Variants in SETX observed in about 807,000 individuals in gnomAD.
SETX encodes the protein helicase senataxin.
A neutral mutation model predicts 227.2 loss-of-function variants in SETX; 90 were observed. That is an observed-to-expected ratio of 0.40 (90% CI 0.33 to 0.47). The LOEUF (loss-of-function observed/expected upper bound fraction) is 0.47. Among genes scored for constraint, SETX ranks in the 20% least tolerant of loss-of-function variants. SETX has a pLI of 0.91. For missense variants in SETX, 3,052 were observed against 3,181.5 expected (o/e 0.96, Z 0.98); for synonymous variants, 1,210 against 1,113.2 (o/e 1.09, Z -1.73).
At chr9:132,283,665 A>G (rs1843668121) in intron 18 of SETX, among the ~76,000 whole-genome samples, 1 of 152,188 alleles carries the variant, frequency 6.6e-6, no homozygotes, top group Non-Finnish European at 1.5e-5. Flanking sequence ...ATTTTTATCC[A>G]GGGTTTGATT....
intron 25 of SETX, among the ~76,000 whole-genome samples, chr9:132,269,172 C>T (rs1842781959): frequency 6.6e-6 from 1 of 152,254 alleles, no homozygotes; most frequent in Admixed American, 6.5e-5. Flanking sequence ...GCCGGAGGCG[C>T]TAAGTGCTGG....
intron 11 of SETX, among the ~76,000 whole-genome samples, chr9:132,304,058 T>C (rs1845183711): frequency 6.6e-6 from 1 of 152,080 alleles, no homozygotes; most frequent in African/African-American, 2.4e-5. Flanking sequence ...AGGCGGAGGT[T>C]GCAGCCACTG....
chr9:132,313,733 T>C (rs901813626), intron 10 of SETX, among the ~76,000 whole-genome samples: 3 of 151,972 alleles, frequency 2.0e-5, no homozygotes, highest in Non-Finnish European at 2.9e-5. Flanking sequence ...CATCAGAGCA[T>C]TATCAAAGTT....
chr9:132,349,530 A>C (rs1848496214), intron 2 of SETX, 95 bp from the exon 3 acceptor site: 2 of 1,312,036 alleles, frequency 1.5e-6, no homozygotes, highest in East Asian at 4.7e-5. Flanking sequence ...CCCTGGTTTC[A>C]ATTTAAAATG....
intron 12 of SETX, 122 bp from the exon 13 acceptor site, chr9:132,298,434 C>A (rs1311566729): frequency 2.3e-6 from 2 of 870,498 alleles, no homozygotes; most frequent in Non-Finnish European, 3.7e-6. Context: ...ATAATTTACC[C>A]AGTAAATATT....
intron 15 of SETX, among the ~76,000 whole-genome samples, chr9:132,291,839 T>C (rs1474375272): frequency 2.0e-5 from 3 of 151,812 alleles, no homozygotes; most frequent in South Asian, 4.2e-4. Context: ...TAAAAACATA[T>C]AAATTTCTAC....
At chr9:132,349,033 G>A (rs887747576) in intron 3 of SETX, among the ~76,000 whole-genome samples, 1 of 151,746 alleles carries the variant, frequency 6.6e-6, no homozygotes, top group Non-Finnish European at 1.5e-5. Flanking sequence ...ACTCGAATGT[G>A]TAAAATGATA....
intron 10 of SETX, among the ~76,000 whole-genome samples, chr9:132,318,592 T>C (rs1846139820): frequency 6.6e-6 from 1 of 152,182 alleles, no homozygotes; most frequent in African/African-American, 2.4e-5. Context: ...ACCCTGATAC[T>C]TACCTTTCTG....
chr9:132,353,863 G>A lies in SETX; in HGVS notation c.-114-108C>T, dbSNP rs117395901. The A allele has an allele frequency of 0.024, 3,697 of 152,302 alleles. 58 individuals carry two copies. Among genetic ancestry groups the A allele is most frequent in the Non-Finnish European group, 0.038 (2,584 of 68,036 alleles). 9.4% of individuals were successfully genotyped at this position (152,302 alleles called of 1,614,324 possible). A position where few individuals can be genotyped will look rare whatever the true frequency, so the allele number is the denominator to read the frequency against. ...CAGACAGATACTGCTGGCTGATGAG[G>A]AAGCCCAGATAGGTTAGACAACTTG... On this transcript the variant is annotated intron_variant, in intron 1 of 25. Coordinates refer to ENST00000224140, the MANE Select transcript of SETX (RefSeq NM_015046.7).
intron 2 of SETX, among the ~76,000 whole-genome samples, chr9:132,351,957 T>C (rs1487529018): frequency 6.6e-6 from 1 of 152,236 alleles, no homozygotes; most frequent in Non-Finnish European, 1.5e-5. Context: ...ATAGGATGCT[T>C]CACCATAGGT....
At chr9:132,291,549 A>G (rs1377935217) in intron 15 of SETX, among the ~76,000 whole-genome samples, 9 of 152,154 alleles carry the variant, frequency 5.9e-5, no homozygotes, top group Non-Finnish European at 1.0e-4. Context: ...GCACCCAGAA[A>G]TGTTCCGCAA....
In SETX at chr9:132,311,794, T is replaced by C. The variant is rs768249675; in HGVS notation, c.5337A>G (p.Lys1779=). The C allele has an allele frequency of 6.2e-7, 1 of 1,613,720 alleles. No individual in the cohort carries two copies. The highest frequency in any genetic ancestry group is 1.1e-5 in the South Asian group (1 of 91,070). ...RENFYQLQVR[K]FPADYIKYWE... ...AGTATTTTATATAATCGGCAGGAAA[T>C]TTTCGTACTTGCAACTGATAGAAAT... The change falls in exon 11 of 26, where the codon AAA becomes AAG. Residue 1779 remains lysine, a synonymous_variant. Transcript: ENST00000224140.
rs143930428 is a variant in SETX, at chr9:132,326,583, C to T, written c.5015G>A (p.Cys1672Tyr). ...QSPNNSNRQG[C>Y]KVPFGESKYF... ...TTTGCTTTCACCAAATGGAACTTTG[C>T]AACCTTGCCTGTTGGAATTATTCGG... Residue 1672 changes from cysteine (C) to tyrosine (Y), a missense_variant, in exon 10 of 26, where the codon TGC (cysteine) becomes TAC (tyrosine). Physicochemically the swap from Cys to Tyr is radical, Grantham distance 194. Around this residue, in one of 10 missense-constraint regions of SETX, gnomAD observed 1,483 missense variants for 1,312.0 expected, o/e 1.13. Transcript: ENST00000224140. 5 of 1,614,102 alleles carry T rather than the reference C, an allele frequency of 3.1e-6. No individual in the cohort carries two copies. In the African/African-American group the frequency reaches 6.7e-5, roughly 22 times the overall value.
At chr9:132,265,042 G>A in intron 25 of SETX, 57 bp from the exon 26 acceptor site, 1 of 1,592,356 alleles carries the variant, frequency 6.3e-7, no homozygotes. Context: ...TGCTTGGGAA[G>A]CATAGAGTTC....
At chr9:132,269,373 G>C in intron 25 of SETX, 1 of 1,455,364 alleles carries the variant, frequency 6.9e-7, no homozygotes, top group East Asian at 2.9e-5. Context: ...ATAATCCTAT[G>C]ATGTGGATAA....
chr9:132,294,930 A>G (rs900759384), intron 15 of SETX, among the ~76,000 whole-genome samples: 3 of 152,214 alleles, frequency 2.0e-5, no homozygotes, highest in Non-Finnish European at 2.9e-5. Context: ...AACTTCTGTT[A>G]TATTTAAAAG....
chr9:132,315,565 C>A (rs1016963533), intron 10 of SETX, among the ~76,000 whole-genome samples: 1 of 152,162 alleles, frequency 6.6e-6, no homozygotes. Flanking sequence ...AAAACCCTTC[C>A]TTGTCTCCAA....
intron 23 of SETX, among the ~76,000 whole-genome samples, chr9:132,274,599 G>A (rs192149753): frequency 6.6e-5 from 10 of 151,638 alleles, no homozygotes; most frequent in East Asian, 1.9e-4. Flanking sequence ...GCGCCACCAC[G>A]CCTGGCTAAT....
intron 18 of SETX, 118 bp from the exon 19 acceptor site, chr9:132,283,531 T>A (rs1296078692): frequency 7.6e-7 from 1 of 1,309,680 alleles, no homozygotes; most frequent in South Asian, 1.2e-5. Context: ...CAGAAAAATA[T>A]TTAGTAAAAG....
Sources: gnomAD v4.1 joint callset for allele counts (sites outside exome capture counted in the v4.1 genomes callset) on GRCh38, gnomAD v4.1.1 for gene constraint, gnomAD v4.1.1 regional missense constraint, MANE v1.5 for transcripts, NCBI Gene and HGNC (gene_info 2026-07-23, HGNC 2026-07-21) for gene names.